LYPD6: variants seen among roughly 807,000 people sequenced by gnomAD.
LYPD6 encodes LY6/PLAUR domain containing 6.
A neutral mutation model predicts 22.7 loss-of-function variants in LYPD6; 15 were observed. The observed-to-expected ratio is 0.66, with a 90% CI of 0.44 to 1.02. The LOEUF is 1.02. Among genes scored for constraint, LYPD6 ranks in the 50% least tolerant of loss-of-function variants. The pLI, the probability that LYPD6 is intolerant of heterozygous loss-of-function variation, is 0.00. For synonymous variants in LYPD6, 72 were observed against 77.5 expected, an observed-to-expected ratio of 0.93 and a Z score of 0.37; for missense variants, 189 against 208.4, an observed-to-expected ratio of 0.91 and a Z score of 0.57.
intron 1 of LYPD6, among the ~76,000 whole-genome samples, chr2:149,379,138 T>C (rs558634966): frequency 5.2e-4 from 79 of 152,296 alleles, no homozygotes; most frequent in Non-Finnish European, 1.0e-3. Flanking sequence ...AGGAGGGCTG[T>C]GCATCTGTGG....
At chr2:149,454,427 C>A (rs1471767863) in intron 3 of LYPD6, among the ~76,000 whole-genome samples, 2 of 152,100 alleles carry the variant, frequency 1.3e-5, no homozygotes. Context: ...CATGTCTTTT[C>A]GAGCAACAAA....
intron 1 of LYPD6, among the ~76,000 whole-genome samples, chr2:149,333,180 C>T (rs1190600517): frequency 2.0e-5 from 3 of 152,178 alleles, no homozygotes; most frequent in African/African-American, 7.2e-5. Flanking sequence ...TATCAAAAGT[C>T]CTGAAATCCT....
At chr2:149,439,530 C>T (rs1453791107) in intron 2 of LYPD6, among the ~76,000 whole-genome samples, 3 of 152,002 alleles carry the variant, frequency 2.0e-5, no homozygotes, top group African/African-American at 7.3e-5. Flanking sequence ...TCAGTAGTAA[C>T]TGGGCTGCAG....
intron 1 of LYPD6, among the ~76,000 whole-genome samples, chr2:149,367,282 C>T (rs73964404): frequency 0.036 from 5,417 of 152,136 alleles, 314 homozygotes; most frequent in African/African-American, 0.12. Flanking sequence ...CCATGGTTGC[C>T]GCATAATCCA....
chr2:149,385,675 C>T (rs1027007329), intron 1 of LYPD6, among the ~76,000 whole-genome samples: 7 of 152,052 alleles, frequency 4.6e-5, no homozygotes, highest in South Asian at 2.1e-4. Flanking sequence ...AATTAAGCCT[C>T]GTTTGTTTGT....
At chr2:149,445,177 T>C (rs1216444243) in intron 2 of LYPD6, among the ~76,000 whole-genome samples, 1 of 152,200 alleles carries the variant, frequency 6.6e-6, no homozygotes, top group African/African-American at 2.4e-5. Context: ...ATATTTTTTT[T>C]CTGAGCAGTA....
At chr2:149,417,937 A>T (rs890679952) in intron 1 of LYPD6, among the ~76,000 whole-genome samples, 2 of 152,236 alleles carry the variant, frequency 1.3e-5, no homozygotes, top group African/African-American at 4.8e-5. Flanking sequence ...CAACTAAATC[A>T]ATAATCTGAA....
chr2:149,433,414 C>T (rs1225256610), intron 1 of LYPD6, among the ~76,000 whole-genome samples: 1 of 152,172 alleles, frequency 6.6e-6, no homozygotes, highest in East Asian at 1.9e-4. Context: ...TGCTCCTGAC[C>T]TCCATCAGCA....
intron 1 of LYPD6, among the ~76,000 whole-genome samples, chr2:149,347,072 C>G (rs1368207749): frequency 1.3e-5 from 2 of 152,018 alleles, no homozygotes; most frequent in African/African-American, 4.8e-5. Flanking sequence ...GGTCTGGTGT[C>G]TGGTGACTTG....
chr2:149,456,827 C>A (rs1680968496), intron 3 of LYPD6, among the ~76,000 whole-genome samples: 1 of 152,166 alleles, frequency 6.6e-6, no homozygotes, highest in South Asian at 2.1e-4. Flanking sequence ...TAGTTACCCT[C>A]CTAATTTCCA....
At chr2:149,451,740 C>T (rs1680824483) in intron 3 of LYPD6, among the ~76,000 whole-genome samples, 1 of 152,114 alleles carries the variant, frequency 6.6e-6, no homozygotes, top group Non-Finnish European at 1.5e-5. Context: ...CTACTTTTAT[C>T]TTTCTGTCCT....
At chr2:149,330,396 C>T (rs1224077670), upstream of LYPD6, 1 of 151,028 alleles carries the variant, frequency 6.6e-6, no homozygotes, top group Non-Finnish European at 1.5e-5. Context: ...CCGATTCTCC[C>T]GGAGTTGGGC....
intron 1 of LYPD6, among the ~76,000 whole-genome samples, chr2:149,348,061 C>CAAAAAAAAAAAAAAAAAAAAAAAAAA (rs58228847): frequency 1.3e-5 from 1 of 76,718 alleles, no homozygotes; most frequent in Non-Finnish European, 2.6e-5. Flanking sequence ...ACTAAAAATA[C>CAAAAAAAAAAAAAAAAAAAAAAAAAA]AAAAAAAAAA....
At chr2:149,381,451 T>C (rs1209457048) in intron 1 of LYPD6, among the ~76,000 whole-genome samples, 1 of 152,120 alleles carries the variant, frequency 6.6e-6, no homozygotes, top group Admixed American at 6.5e-5. Context: ...AGGCAGAGTG[T>C]ATGGGCAAGA....
At chr2:149,458,653 G>A (rs945557890) in intron 3 of LYPD6, among the ~76,000 whole-genome samples, 2 of 151,994 alleles carry the variant, frequency 1.3e-5, no homozygotes, top group Admixed American at 6.6e-5. Flanking sequence ...GGATTTTAAA[G>A]CAGCCATAAT....
intron 1 of LYPD6, among the ~76,000 whole-genome samples, chr2:149,385,834 C>A (rs1682172363): frequency 6.6e-6 from 1 of 151,944 alleles, no homozygotes; most frequent in Non-Finnish European, 1.5e-5. Flanking sequence ...AGGAGAGAGG[C>A]AGAGAAGAAG....
chr2:149,330,384 G>A (rs1440852220), upstream of LYPD6: 1 of 151,252 alleles, frequency 6.6e-6, no homozygotes, highest in Admixed American at 6.6e-5. Context: ...TTGGCGCTCA[G>A]GCCGATTCTC....
intron 1 of LYPD6, among the ~76,000 whole-genome samples, chr2:149,377,456 C>T (rs1368581399): frequency 2.0e-5 from 3 of 152,304 alleles, no homozygotes; most frequent in African/African-American, 4.8e-5. Flanking sequence ...GGAACAGTGG[C>T]TCTCACAGGC....
intron 1 of LYPD6, among the ~76,000 whole-genome samples, chr2:149,410,991 C>T (rs937369341): frequency 2.2e-4 from 34 of 152,156 alleles, no homozygotes; most frequent in African/African-American, 8.2e-4. Flanking sequence ...AGAGTATCTC[C>T]AGATCTTCAG....
Sources: gnomAD v4.1 joint callset for allele counts (sites outside exome capture counted in the v4.1 genomes callset) on GRCh38, gnomAD v4.1.1 for gene constraint, MANE v1.5 for transcripts, NCBI Gene and HGNC (gene_info 2026-07-23, HGNC 2026-07-21) for gene names.